PCDHGA4: variants seen among roughly 807,000 people sequenced by gnomAD.
PCDHGA4 encodes protocadherin gamma subfamily A, 4.
A neutral mutation model predicts 54.6 loss-of-function variants in PCDHGA4; 38 were observed. The ratio of observed to expected loss-of-function variants is 0.70; its 90% CI spans 0.54 to 0.91. The LOEUF is 0.91. Ranked by LOEUF, PCDHGA4 falls within the 40% of genes least tolerant of loss-of-function variation. The pLI is 0.00. For missense variants in PCDHGA4, 1,298 were observed against 1,220.9 expected (o/e 1.06, Z -0.94); for synonymous variants, 511 against 512.9 (o/e 1.00, Z 0.05).
chr5:141,489,458 G>A lies in PCDHGA4; in HGVS notation c.2515-5349G>A, dbSNP rs143138320. 3.5e-5 allele frequency: 56 copies of A among 1,614,042 alleles called. No homozygotes were observed. The highest frequency in any genetic ancestry group is 8.0e-5 in the African/African-American group (6 of 75,052). ...CAATTGGGCTCTGAGGAGAATGGGC[G>A]CTATTTTTCCCTGAGCTTGATGAGT... is the stretch of plus-strand genomic sequence containing the variant. On this transcript the variant is annotated intron_variant, in intron 1 of 3. Transcript: ENST00000571252. This position sits in a 1 kb window ranked among gnomAD's most constrained non-coding sequence, Gnocchi z 4.5.
At chr5:141,483,242 C>T (rs2099578681) in intron 1 of PCDHGA4, among the ~76,000 whole-genome samples, 1 of 151,558 alleles carries the variant, frequency 6.6e-6, no homozygotes, top group African/African-American at 2.4e-5. Flanking sequence ...AACTGATATG[C>T]ATATATCATG....
chr5:141,360,441 T>A, intron 1 of PCDHGA4: 2 of 1,613,992 alleles, frequency 1.2e-6, no homozygotes, highest in Non-Finnish European at 1.7e-6. Context: ...AGCCTCTGTG[T>A]GTTCTGGATT....
rs756252337 is a variant in PCDHGA4, at chr5:141,413,183, C to T, written c.2514+55562C>T. The T allele has an allele frequency of 3.7e-6, 6 of 1,605,222 alleles. No individual in the cohort carries two copies. The Admixed American group carries it at 1.0e-4, about 27-fold the overall frequency. Reference sequence around the variant, plus strand: ...TTCTGTAACCAGACTACAATGGCCGCTCAAAGGAATCGCTCAAAGGAATCA... The same window carrying T: ...TTCTGTAACCAGACTACAATGGCCGTTCAAAGGAATCGCTCAAAGGAATCA... On this transcript the variant is annotated intron_variant, in intron 1 of 3. Transcript: ENST00000571252.
intron 1 of PCDHGA4, chr5:141,394,998 G>C: frequency 2.5e-6 from 4 of 1,614,010 alleles, no homozygotes; most frequent in Non-Finnish European, 3.4e-6. Context: ...CCAGGATTCC[G>C]GTGGCAGATT....
chr5:141,394,915 CCT>C, intron 1 of PCDHGA4: 1 of 1,613,774 alleles, frequency 6.2e-7, no homozygotes, highest in South Asian at 1.1e-5. Flanking sequence ...GCTGCCATCT[CCT>C]GTGTCTTCCT....
chr5:141,404,829 TGC>T lies in PCDHGA4; in HGVS notation c.2514+47211_2514+47212del, dbSNP rs774802551. 6.2e-6 allele frequency: 10 copies of T among 1,608,020 alleles called. No individual in the cohort carries two copies. In the Admixed American group the frequency reaches 1.7e-4, roughly 27 times the overall value. On this transcript the variant is annotated intron_variant, in intron 1 of 3. Coordinates refer to ENST00000571252, the MANE Select transcript of PCDHGA4 (RefSeq NM_018917.4). ...TCGGTGGGGCTGCACACAGGTGAAGTGCGCACAGCTCGGGCCCTGCTAGATAG... is the reference window on the plus strand; with the variant it reads ...TCGGTGGGGCTGCACACAGGTGAAGTGCACAGCTCGGGCCCTGCTAGATAG...
rs748828282 is a variant in PCDHGA4 at position 141,491,412 on chromosome 5, C to T, written c.2515-3395C>T. The T allele has an allele frequency of 3.1e-6, 5 of 1,613,944 alleles. No homozygotes were observed. The African/African-American group carries it at 5.3e-5, about 17-fold the overall frequency. Reference sequence around the variant, plus strand: ...GCCTTCAGGGAAACGCAGACGGGGACGGGGGTGGAGGGCAGTGCTGCAGGC... The same window carrying T: ...GCCTTCAGGGAAACGCAGACGGGGATGGGGGTGGAGGGCAGTGCTGCAGGC... On this transcript the variant is annotated intron_variant, in intron 1 of 3. Coordinates refer to ENST00000571252, the MANE Select transcript of PCDHGA4 (RefSeq NM_018917.4). The surrounding 1 kb of genome is among the most constrained non-coding windows in gnomAD (Gnocchi z 6.9).
chr5:141,381,826 C>CTTTTTTTTTTTTTTTTTT (rs770630741), intron 1 of PCDHGA4, among the ~76,000 whole-genome samples: 6 of 74,288 alleles, frequency 8.1e-5, no homozygotes, highest in East Asian at 3.6e-4. Flanking sequence ...CTTTCTTCTT[C>CTTTTTTTTTTTTTTTTTT]TTTTTTTTTT....
intron 1 of PCDHGA4, chr5:141,376,294 C>T (rs572453488): frequency 9.9e-6 from 16 of 1,614,226 alleles, no homozygotes; most frequent in East Asian, 2.2e-5. Context: ...GCATGCCCGG[C>T]TCGCACTTTG....
chr5:141,414,635 A>G (rs753834653), intron 1 of PCDHGA4: 72 of 1,613,866 alleles, frequency 4.5e-5, no homozygotes, highest in Admixed American at 2.0e-4. Flanking sequence ...GACAGCAAAG[A>G]GAATGCCCAG....
chr5:141,398,344 C>T (rs901692894), intron 1 of PCDHGA4: 2 of 1,372,186 alleles, frequency 1.5e-6, no homozygotes, highest in Non-Finnish European at 2.0e-6. Context: ...TTCGGAGAAG[C>T]CTTACTTCAC....
intron 1 of PCDHGA4, chr5:141,403,591 G>A (rs1377998886): frequency 2.5e-6 from 4 of 1,613,836 alleles, no homozygotes; most frequent in East Asian, 2.2e-5. Context: ...TGGTCCTCAC[G>A]GCCTCGGATG....
In PCDHGA4 at chr5:141,512,264, C is replaced by G. The variant is rs1453959730; in HGVS notation, c.*1091C>G. 6.5e-6 allele frequency: 1 copy of G among 152,684 alleles called. No homozygotes were observed. The highest frequency in any genetic ancestry group is 1.5e-5 in the Non-Finnish European group (1 of 68,096). 9.5% of individuals were successfully genotyped at this position (152,684 alleles called of 1,614,324 possible). ...GGGGCCTCTGTGGGTGCTGGGTACTCCAGAGGTGCCACTGGTGGAAGGGTC... is the reference window on the plus strand; with the variant it reads ...GGGGCCTCTGTGGGTGCTGGGTACTGCAGAGGTGCCACTGGTGGAAGGGTC... On this transcript the variant is annotated 3_prime_UTR_variant, in exon 4 of 4. Transcript: ENST00000571252.
At chr5:141,423,202 G>A (rs771252840) in intron 1 of PCDHGA4, 67 of 1,613,500 alleles carry the variant, frequency 4.2e-5, no homozygotes, top group Non-Finnish European at 5.5e-5. Context: ...CTCGGCCACC[G>A]TCACGCTCAC....
chr5:141,504,941 T>G (rs2099842166), intron 2 of PCDHGA4, among the ~76,000 whole-genome samples: 1 of 152,046 alleles, frequency 6.6e-6, no homozygotes, highest in East Asian at 1.9e-4. Flanking sequence ...GGTGGGGGAA[T>G]GCACTATGTT....
intron 1 of PCDHGA4, among the ~76,000 whole-genome samples, chr5:141,401,278 G>T (rs1355696847): frequency 6.6e-6 from 1 of 152,160 alleles, no homozygotes; most frequent in Non-Finnish European, 1.5e-5. Context: ...GCAGGTGGAG[G>T]TTGCGGTGAG....
intron 1 of PCDHGA4, chr5:141,375,579 C>A: frequency 6.2e-7 from 1 of 1,614,114 alleles, no homozygotes; most frequent in Non-Finnish European, 8.5e-7. Flanking sequence ...CTCCAGGGGG[C>A]GCCCCTGTCC....
At chr5:141,492,954 A>G (rs2099745299) in intron 1 of PCDHGA4, among the ~76,000 whole-genome samples, 1 of 152,212 alleles carries the variant, frequency 6.6e-6, no homozygotes, top group Non-Finnish European at 1.5e-5. Context: ...TGACCAAACT[A>G]TCTGACACTC....
chr5:141,421,557 C>T (rs764010392), intron 1 of PCDHGA4: 1 of 1,613,932 alleles, frequency 6.2e-7, no homozygotes, highest in South Asian at 1.1e-5. Context: ...TGGAACTTCT[C>T]GTGGAAGACA....
Sources: gnomAD v4.1 joint callset for allele counts (sites outside exome capture counted in the v4.1 genomes callset) on GRCh38, gnomAD v4.1.1 for gene constraint, Gnocchi (gnomAD v3.1) non-coding constraint, MANE v1.5 for transcripts, NCBI Gene and HGNC (gene_info 2026-07-23, HGNC 2026-07-21) for gene names.